Variants in ZC3HAV1 observed in about 807,000 individuals in gnomAD.
ZC3HAV1 encodes the protein zinc finger CCCH-type containing, antiviral 1.
In ZC3HAV1, 41 loss-of-function variants were observed where a neutral mutation model predicts 86.6. That is an observed-to-expected ratio of 0.47 (90% CI 0.37 to 0.61). The LOEUF (loss-of-function observed/expected upper bound fraction) is 0.61. Ranked by LOEUF, ZC3HAV1 falls within the 20% of genes least tolerant of loss-of-function variation. The pLI is 0.00. For missense variants in ZC3HAV1, 964 were observed against 1,141.1 expected (o/e 0.84, Z 2.24); for synonymous variants, 421 against 432.1 (o/e 0.97, Z 0.32).
intron 8 of ZC3HAV1, among the ~76,000 whole-genome samples, chr7:139,063,249 A>T (rs1389949747): frequency 5.4e-5 from 5 of 92,848 alleles, no homozygotes; most frequent in Admixed American, 1.2e-4. Context: ...ATACCACCTA[A>T]GAATTTTTTT....
intron 8 of ZC3HAV1, among the ~76,000 whole-genome samples, chr7:139,063,379 T>A (rs1336782945): frequency 6.6e-6 from 1 of 152,260 alleles, no homozygotes; most frequent in African/African-American, 2.4e-5. Context: ...ATTTTTGTGT[T>A]TTTTTTAACT....
chr7:139,082,134 A>G (rs1350784788), intron 3 of ZC3HAV1, among the ~76,000 whole-genome samples: 2 of 152,052 alleles, frequency 1.3e-5, no homozygotes, highest in Non-Finnish European at 2.9e-5. Flanking sequence ...GAGTGGTGGC[A>G]GGCACCTGTA....
chr7:139,070,452 C>G (rs762236933), intron 7 of ZC3HAV1, among the ~76,000 whole-genome samples: 2 of 151,342 alleles, frequency 1.3e-5, no homozygotes, highest in Non-Finnish European at 2.9e-5. Context: ...ATCACGAGGT[C>G]AGGAGATCGA....
chr7:139,103,265 ATTTTTTTATTT>A (rs556210946), intron 1 of ZC3HAV1, among the ~76,000 whole-genome samples: 33 of 148,230 alleles, frequency 2.2e-4, no homozygotes, highest in Admixed American at 1.2e-3. Flanking sequence ...TTATTTTTTT[ATTTTTTTATTT>A]TTTTTTTATT....
rs1183740167 is a variant in ZC3HAV1, at chr7:139,073,980, G to A, written c.1748C>T (p.Ser583Phe). ...AGTGGAGAGGCGTCGGATGGGAAAG[G>A]AATCACAACTCATTACCCGAAAATT... ...TINFRVMSCD[S>F]FPIRRLSTPS... Residue 583 changes from serine to phenylalanine, a missense_variant, in exon 7 of 13, where the codon TCC becomes TTC. Ser to Phe is a radical substitution (Grantham distance 155). Transcript: ENST00000242351. 4 of 1,613,712 alleles carry A rather than the reference G, an allele frequency of 2.5e-6. No individual in the cohort carries two copies. In the African/African-American group the frequency reaches 5.3e-5, roughly 22 times the overall value.
intron 1 of ZC3HAV1, among the ~76,000 whole-genome samples, chr7:139,097,119 G>C (rs926351567): frequency 6.6e-6 from 1 of 151,584 alleles, no homozygotes; most frequent in African/African-American, 2.4e-5. Flanking sequence ...GCCTGGGTGA[G>C]AGAGGGAGGC....
rs748341112 is a variant in ZC3HAV1, at chr7:139,109,365, G to T, written c.-34C>A. On this transcript the variant is annotated 5_prime_UTR_variant, in exon 1 of 13. Coordinates refer to ENST00000242351, the MANE Select transcript of ZC3HAV1 (RefSeq NM_020119.4). ...GGCTGTGCTGGCTCTGCCGCGGCGC[G>T]GGACTCGGTTCCGCGGAAATCGGAA... 1.3e-6 allele frequency: 2 copies of T among 1,526,450 alleles called. No homozygotes were observed. Among genetic ancestry groups the T allele is most frequent in the African/African-American group, 2.7e-5 (2 of 72,738 alleles). The allele number at this position is 1,526,450 out of a possible 1,614,324, so 94.6% of individuals were successfully genotyped here. A position where few individuals can be genotyped will look rare whatever the true frequency, so the allele number is the denominator to read the frequency against.
At chr7:139,082,339 T>C (rs1421117058) in intron 3 of ZC3HAV1, among the ~76,000 whole-genome samples, 1 of 140,422 alleles carries the variant, frequency 7.1e-6, no homozygotes, top group Admixed American at 7.0e-5. Context: ...AAAAAAAAAA[T>C]CAGAAAACAC....
intron 1 of ZC3HAV1, among the ~76,000 whole-genome samples, chr7:139,091,916 G>C (rs1184437755): frequency 6.6e-6 from 1 of 152,272 alleles, no homozygotes; most frequent in Non-Finnish European, 1.5e-5. Flanking sequence ...AGACGAATTA[G>C]GAGTCCGTTT....
intron 1 of ZC3HAV1, among the ~76,000 whole-genome samples, chr7:139,100,539 A>C (rs1467550359): frequency 7.6e-6 from 1 of 131,682 alleles, no homozygotes; most frequent in Non-Finnish European, 1.7e-5. Flanking sequence ...GTCTCAAAAA[A>C]AAACAAAAAC....
chr7:139,060,758 G>A, intron 9 of ZC3HAV1: 1 of 1,287,054 alleles, frequency 7.8e-7, no homozygotes, highest in Non-Finnish European at 9.9e-7. Flanking sequence ...CATCAATCCA[G>A]CTCTTCACAG....
At chr7:139,064,259 G>C (rs1005964250) in intron 8 of ZC3HAV1, among the ~76,000 whole-genome samples, 1 of 152,232 alleles carries the variant, frequency 6.6e-6, no homozygotes. Context: ...GCAAGCACTT[G>C]ATCATGTGCA....
chr7:139,070,953 G>C (rs1418695992), intron 7 of ZC3HAV1, among the ~76,000 whole-genome samples: 1 of 151,768 alleles, frequency 6.6e-6, no homozygotes, highest in African/African-American at 2.4e-5. Context: ...TTGCACTCTA[G>C]CCTGGGTAAC....
intron 7 of ZC3HAV1, among the ~76,000 whole-genome samples, chr7:139,073,060 C>G (rs1298830563): frequency 6.6e-6 from 1 of 152,080 alleles, no homozygotes; most frequent in Non-Finnish European, 1.5e-5. Flanking sequence ...CTTTGGGAGG[C>G]CGAGGTGGGC....
intron 12 of ZC3HAV1, among the ~76,000 whole-genome samples, chr7:139,051,121 G>C (rs1228431170): frequency 6.8e-6 from 1 of 147,516 alleles, no homozygotes; most frequent in East Asian, 2.0e-4. Context: ...GCAATGGCAT[G>C]ATCTCAGCTC....
chr7:139,059,546 G>A (rs1225982791), intron 9 of ZC3HAV1, among the ~76,000 whole-genome samples: 1 of 151,996 alleles, frequency 6.6e-6, no homozygotes, highest in Non-Finnish European at 1.5e-5. Context: ...CAACCAGGGA[G>A]GCAGAGGTTG....
chr7:139,060,995 C>T (rs977962715), intron 9 of ZC3HAV1, 41 bp downstream of exon 9: 2 of 1,612,142 alleles, frequency 1.2e-6, no homozygotes, highest in Non-Finnish European at 1.7e-6. Flanking sequence ...GCATGAACAT[C>T]TCAAGCATCT....
intron 9 of ZC3HAV1, among the ~76,000 whole-genome samples, chr7:139,058,687 G>C (rs1202979204): frequency 6.6e-6 from 1 of 152,176 alleles, no homozygotes; most frequent in Non-Finnish European, 1.5e-5. Context: ...GCTAAATCGT[G>C]AGGGGTGCTG....
Position 139,073,947 on chromosome 7 carries a change from G to A in ZC3HAV1, c.1781C>T (p.Ser594Phe). ...FPIRRLSTPS[S>F]VTKPANSVFT... ...GACAGAATTGGCTGGCTTGGTGACAGAAGAAGGAGTGGAGAGGCGTCGGAT... is the reference window on the plus strand; with the variant it reads ...GACAGAATTGGCTGGCTTGGTGACAAAAGAAGGAGTGGAGAGGCGTCGGAT... Residue 594 changes from serine to phenylalanine, a missense_variant, in exon 7 of 13, where the codon TCT becomes TTT. Transcript: ENST00000242351. 1 of 1,614,040 alleles carries A rather than the reference G, an allele frequency of 6.2e-7. No individual in the cohort carries two copies. Among genetic ancestry groups the A allele is most frequent in the Middle Eastern group, 1.7e-4 (1 of 6,060 alleles).
Sources: gnomAD v4.1 joint callset for allele counts (sites outside exome capture counted in the v4.1 genomes callset) on GRCh38, gnomAD v4.1.1 for gene constraint, MANE v1.5 for transcripts, NCBI Gene and HGNC (gene_info 2026-07-23, HGNC 2026-07-21) for gene names.